The following GRID1 variants were observed in gnomAD, a reference collection of about 807,000 sequenced individuals.
GRID1 encodes the protein glutamate ionotropic receptor delta type subunit 1.
In GRID1, 28 loss-of-function variants were observed where a neutral mutation model predicts 98.0. The observed-to-expected ratio is 0.29, with a 90% CI of 0.21 to 0.39. The LOEUF (loss-of-function observed/expected upper bound fraction) is 0.39, where lower values mean the gene tolerates loss of function less well. Among genes scored for constraint, GRID1 ranks in the 10% least tolerant of loss-of-function variants. The probability of loss-of-function intolerance (pLI) is 1.00; values close to 1 mark genes in which losing one functional copy is unlikely to be tolerated. For synonymous variants in GRID1, 553 were observed against 538.5 expected (o/e 1.03, Z -0.37); for missense variants, 1,111 against 1,340.5 (o/e 0.83, Z 2.67).
chr10:86,117,757 T>A (rs984496468), intron 4 of GRID1, among the ~76,000 whole-genome samples: 1 of 152,188 alleles, frequency 6.6e-6, no homozygotes, highest in Non-Finnish European at 1.5e-5. Flanking sequence ...AAAAGCACAA[T>A]GTGATACCAC....
chr10:85,799,791 C>T (rs543859099), intron 8 of GRID1, among the ~76,000 whole-genome samples: 1 of 152,016 alleles, frequency 6.6e-6, no homozygotes, highest in African/African-American at 2.4e-5. Flanking sequence ...ACTTCTGGTG[C>T]TCAGTTGCAT....
intron 4 of GRID1, among the ~76,000 whole-genome samples, chr10:86,034,162 T>C (rs1376537956): frequency 6.6e-6 from 1 of 152,248 alleles, no homozygotes; most frequent in African/African-American, 2.4e-5. Flanking sequence ...CTAACGTAGC[T>C]AATGGCATCG....
chr10:85,625,012 C>CAT (rs1208280931), intron 13 of GRID1, among the ~76,000 whole-genome samples: 1 of 151,850 alleles, frequency 6.6e-6, no homozygotes, highest in Non-Finnish European at 1.5e-5. Context: ...TATATATAGA[C>CAT]ATATATATGA....
intron 4 of GRID1, among the ~76,000 whole-genome samples, chr10:85,932,468 A>G (rs1459672778): frequency 6.6e-6 from 1 of 152,048 alleles, no homozygotes; most frequent in East Asian, 1.9e-4. Flanking sequence ...TCCTGCCTCA[A>G]CCTCTCAAAG....
intron 4 of GRID1, among the ~76,000 whole-genome samples, chr10:86,043,032 C>T (rs1045991634): frequency 1.1e-4 from 17 of 151,678 alleles, no homozygotes; most frequent in Non-Finnish European, 2.2e-4. Flanking sequence ...CAGCAGCGAG[C>T]CGAGATCAAT....
At chr10:86,270,736 C>G (rs1847173110) in intron 2 of GRID1, among the ~76,000 whole-genome samples, 1 of 151,830 alleles carries the variant, frequency 6.6e-6, no homozygotes, top group Admixed American at 6.6e-5. Context: ...CTGCTTCTAA[C>G]CCAGCTAAAG....
intron 8 of GRID1, among the ~76,000 whole-genome samples, chr10:85,770,590 G>A (rs917802038): frequency 1.6e-4 from 24 of 152,124 alleles, no homozygotes; most frequent in Non-Finnish European, 2.8e-4. Flanking sequence ...AAACTTAGAC[G>A]AATGTATAAC....
chr10:85,611,522 G>A (rs1842732729), intron 15 of GRID1, among the ~76,000 whole-genome samples: 1 of 152,308 alleles, frequency 6.6e-6, no homozygotes, highest in Admixed American at 6.5e-5. Context: ...TTGCACAGAG[G>A]AAACCAGGTT....
intron 4 of GRID1, among the ~76,000 whole-genome samples, chr10:85,965,063 A>G (rs559675228): frequency 6.6e-6 from 1 of 152,388 alleles, no homozygotes; most frequent in East Asian, 1.9e-4. Flanking sequence ...TCATTAGAGA[A>G]ATGCAAATCA....
At chr10:86,258,279 A>G (rs1313997255) in intron 2 of GRID1, among the ~76,000 whole-genome samples, 1 of 152,238 alleles carries the variant, frequency 6.6e-6, no homozygotes, top group African/African-American at 2.4e-5. Flanking sequence ...TATAATTCAA[A>G]ACAAAATTAA....
rs371198417 is a variant in GRID1 at position 85,664,616 on chromosome 10, G to A, written c.1998-17219C>T. 7.2e-4 allele frequency among the ~76,000 whole-genome samples: 110 copies of A among 152,270 alleles called. 2 individuals carry two copies. Among genetic ancestry groups the A allele is most frequent in the Admixed American group, 2.0e-3 (30 of 15,288 alleles). ...GAGCTCAGTCTCTTCACTGACAGCC[G>A]AGCTTGAAGCCACAGGCATGGGTAC... On this transcript the variant is annotated intron_variant, in intron 12 of 15. Coordinates refer to ENST00000327946, the MANE Select transcript of GRID1 (RefSeq NM_017551.3).
At chr10:85,810,581 T>C (rs569619332) in intron 8 of GRID1, among the ~76,000 whole-genome samples, 1 of 152,190 alleles carries the variant, frequency 6.6e-6, no homozygotes, top group African/African-American at 2.4e-5. Context: ...AGCAGACCCA[T>C]TCCAGGCAGA....
At chr10:85,887,665 C>G (rs1012643369) in intron 5 of GRID1, among the ~76,000 whole-genome samples, 7 of 152,206 alleles carry the variant, frequency 4.6e-5, no homozygotes, top group African/African-American at 1.4e-4. Flanking sequence ...ATGGATTTGA[C>G]TTCCAACCCC....
chr10:86,278,014 G>A (rs1847298280), intron 2 of GRID1, among the ~76,000 whole-genome samples: 2 of 144,992 alleles, frequency 1.4e-5, no homozygotes, highest in Admixed American at 1.4e-4. Flanking sequence ...AACTTTAAAT[G>A]TAAATGTGTT....
intron 4 of GRID1, among the ~76,000 whole-genome samples, chr10:85,968,216 C>T (rs947783880): frequency 1.3e-4 from 20 of 151,920 alleles, no homozygotes; most frequent in African/African-American, 3.9e-4. Flanking sequence ...TTTGGGAGGC[C>T]GAGGCGGGTG....
chr10:86,209,891 C>A (rs2132022133), intron 2 of GRID1, among the ~76,000 whole-genome samples: 1 of 152,296 alleles, frequency 6.6e-6, no homozygotes, highest in South Asian at 2.1e-4. Context: ...CAGAACCTCT[C>A]TGAGCCTCAG....
intron 2 of GRID1, among the ~76,000 whole-genome samples, chr10:86,352,907 C>T (rs1848481846): frequency 6.6e-6 from 1 of 152,118 alleles, no homozygotes; most frequent in South Asian, 2.1e-4. Flanking sequence ...CTACAGGGGA[C>T]ACTGACAATG....
intron 12 of GRID1, among the ~76,000 whole-genome samples, chr10:85,703,030 G>A (rs934144834): frequency 1.3e-4 from 20 of 151,944 alleles, no homozygotes; most frequent in African/African-American, 4.6e-4. Context: ...AGAAAGTTGT[G>A]AGGGGGTAAG....
chr10:86,302,675 A>G (rs1026566325), intron 2 of GRID1, among the ~76,000 whole-genome samples: 1 of 152,238 alleles, frequency 6.6e-6, no homozygotes, highest in Admixed American at 6.5e-5. Context: ...GGAACAGGTT[A>G]AATGTCACCC....
Sources: allele counts gnomAD v4.1 joint callset (sites outside exome capture counted in the v4.1 genomes callset), GRCh38; gene constraint gnomAD v4.1.1; transcripts MANE v1.5; gene names NCBI Gene and HGNC (gene_info 2026-07-23, HGNC 2026-07-21).